Variants in RTN4 observed in about 807,000 individuals in gnomAD.
RTN4 encodes the protein reticulon-4.
RTN4 carries 32 observed loss-of-function variants against 90.4 expected under a neutral mutation model. The ratio of observed to expected loss-of-function variants is 0.35; its 90% CI spans 0.27 to 0.48. RTN4 has a LOEUF of 0.48. Ranked by LOEUF, RTN4 falls within the 20% of genes least tolerant of loss-of-function variation. The pLI, the probability that RTN4 is intolerant of heterozygous loss-of-function variation, is 0.99. For synonymous variants in RTN4, 629 were observed against 552.5 expected (o/e 1.14, Z -1.94); for missense variants, 1,706 against 1,430.2 (o/e 1.19, Z -3.11).
chr2:54,985,141 A>G (rs1449392294), intron 4 of RTN4, among the ~76,000 whole-genome samples: 1 of 146,804 alleles, frequency 6.8e-6, no homozygotes, highest in Non-Finnish European at 1.5e-5. Context: ...CTTGATAATA[A>G]TATGACTCGG....
chr2:55,116,513 A>G (rs542623554), upstream of RTN4, among the ~76,000 whole-genome samples: 1 of 152,342 alleles, frequency 6.6e-6, no homozygotes, highest in East Asian at 1.9e-4. Context: ...AATCAATTAT[A>G]TAGGATTCCA....
At chr2:55,032,737 A>G (rs951299230) in intron 1 of RTN4, among the ~76,000 whole-genome samples, 1 of 152,168 alleles carries the variant, frequency 6.6e-6, no homozygotes, top group African/African-American at 2.4e-5. Flanking sequence ...CCTTAAAAAA[A>G]GCAACAGTGG....
chr2:55,002,426 C>G (rs1223683952), intron 3 of RTN4, among the ~76,000 whole-genome samples: 1 of 152,182 alleles, frequency 6.6e-6, no homozygotes, highest in African/African-American at 2.4e-5. Flanking sequence ...ATAAAAACTA[C>G]CTATGGCTGT....
rs1681903396 is a variant in RTN4, at chr2:55,026,657, G to T, written c.1442C>A (p.Pro481His). ...TTCTGAAGTAGGATCTCCTAACAAA[G>T]GAAAAATGTTTGTTGCAATGCTCTC... is the stretch of plus-strand genomic sequence containing the variant. The part of the protein sequence containing the change: ...ATESIATNIF[P>H]LLGDPTSENK... The change falls in exon 3 of 9, where the codon CCT becomes CAT. Residue 481 changes from proline (P) to histidine (H), a missense_variant. By Grantham distance (77) the Pro-to-His change is moderately conservative (BLOSUM62 -2). Coordinates refer to ENST00000337526, the MANE Select transcript of RTN4 (RefSeq NM_020532.5). 1 of 1,613,006 alleles carries T rather than the reference G, an allele frequency of 6.2e-7. No individual in the cohort carries two copies. The highest frequency in any genetic ancestry group is 8.5e-7 in the Non-Finnish European group (1 of 1,179,736).
chr2:55,070,701 C>T (rs753855780), intron 2 of RTN4, among the ~76,000 whole-genome samples: 5 of 152,000 alleles, frequency 3.3e-5, no homozygotes, highest in Non-Finnish European at 7.4e-5. Flanking sequence ...ATTATCTCAG[C>T]ATATAAAAAT....
chr2:55,116,091 C>CTTTTTTTTTTTT (rs5831339), upstream of RTN4, among the ~76,000 whole-genome samples: 3 of 105,442 alleles, frequency 2.8e-5, no homozygotes, highest in Non-Finnish European at 3.7e-5. Context: ...GGGGACTAGT[C>CTTTTTTTTTTTT]TTTTTTTTTT....
At chr2:54,993,125 T>C (rs1679156148) in intron 3 of RTN4, among the ~76,000 whole-genome samples, 1 of 151,518 alleles carries the variant, frequency 6.6e-6, no homozygotes, top group Admixed American at 6.6e-5. Flanking sequence ...CTATGAAGTC[T>C]GAAAGTATAT....
chr2:54,985,261 G>A (rs1256996479), intron 4 of RTN4, among the ~76,000 whole-genome samples: 2 of 137,082 alleles, frequency 1.5e-5, no homozygotes, highest in Non-Finnish European at 3.0e-5. Flanking sequence ...CTGGGTTCTA[G>A]CAATTTTCTT....
chr2:55,000,715 T>C (rs2104745141), intron 3 of RTN4, among the ~76,000 whole-genome samples: 1 of 152,324 alleles, frequency 6.6e-6, no homozygotes, highest in Admixed American at 6.5e-5. Flanking sequence ...AGTCTGACCA[T>C]GAAGGTCTCA....
chr2:55,016,940 T>G (rs973334229), intron 3 of RTN4, among the ~76,000 whole-genome samples: 3 of 152,218 alleles, frequency 2.0e-5, no homozygotes, highest in African/African-American at 7.2e-5. Context: ...TTAACCACAT[T>G]ATATTTAGCA....
In RTN4 at chr2:55,025,412, T is replaced by C; in HGVS notation, c.2687A>G (p.His896Arg). 6.2e-7 allele frequency: 1 copy of C among 1,613,934 alleles called. No homozygotes were observed. Among genetic ancestry groups the C allele is most frequent in the Non-Finnish European group, 8.5e-7 (1 of 1,179,884 alleles). The change falls in exon 3 of 9, where the codon CAC becomes CGC. Residue 896 changes from histidine (H) to arginine (R), a missense_variant. Transcript: ENST00000337526. ...CGGGGCATTAGCAATTTCACTTTTG[T>C]GGGATACTTCTAGGTCAGTATATTC... ...AREYTDLEVS[H>R]KSEIANAPDG...
intron 3 of RTN4, among the ~76,000 whole-genome samples, chr2:55,022,634 C>G (rs1045172179): frequency 6.6e-6 from 1 of 152,040 alleles, no homozygotes; most frequent in Non-Finnish European, 1.5e-5. Context: ...TTTCTTCTAC[C>G]TACCATCCTG....
chr2:55,104,272 G>A (rs1003574559), intron 1 of RTN4, among the ~76,000 whole-genome samples: 1 of 151,602 alleles, frequency 6.6e-6, no homozygotes, highest in Non-Finnish European at 1.5e-5. Context: ...GGCCAGGCTG[G>A]TCTCAAACTC....
At chr2:55,088,568 A>AACAT (rs1290951081) in intron 1 of RTN4, among the ~76,000 whole-genome samples, 2 of 152,232 alleles carry the variant, frequency 1.3e-5, no homozygotes, top group Non-Finnish European at 2.9e-5. Flanking sequence ...TATGATATGT[A>AACAT]ACATTGGTTT....
rs1470142012 is a variant in RTN4, at chr2:55,026,115, C to G, written c.1984G>C (p.Ala662Pro). The G allele has an allele frequency of 6.2e-7, 1 of 1,613,408 alleles. No individual in the cohort carries two copies. The highest frequency in any genetic ancestry group is 1.7e-5 in the Admixed American group (1 of 59,852). ...EPENPPPYEE[A>P]MSVSLKKVSG... The stretch of plus-strand genomic sequence containing the variant: ...ACTTTTTTTAGTGATACACTCATGG[C>G]CTCTTCATATGGTGGGGGGTTTTCA... Residue 662 changes from alanine to proline, a missense_variant, in exon 3 of 9, where the codon GCC becomes CCC. Ala to Pro is a conservative substitution (Grantham distance 27). Coordinates refer to ENST00000337526, the MANE Select transcript of RTN4 (RefSeq NM_020532.5).
upstream of RTN4, among the ~76,000 whole-genome samples, chr2:55,051,162 C>G (rs1668080228): frequency 6.6e-6 from 1 of 152,218 alleles, no homozygotes. Context: ...AGGAAAACAG[C>G]TGTGCTGAAT....
At chr2:55,109,412 C>T (rs1667997282) in intron 1 of RTN4, among the ~76,000 whole-genome samples, 1 of 152,126 alleles carries the variant, frequency 6.6e-6, no homozygotes. Flanking sequence ...ACTGTGCTTA[C>T]AAAAGCAAAT....
intron 3 of RTN4, among the ~76,000 whole-genome samples, chr2:55,024,862 A>G (rs1049913694): frequency 3.3e-5 from 5 of 152,204 alleles, no homozygotes; most frequent in African/African-American, 1.2e-4. Flanking sequence ...ATAGTTCCAT[A>G]GTGCAATATA....
At position 55,025,636 on chromosome 2, in the gene RTN4, T is replaced by G. The variant is rs1387997071; in HGVS notation, c.2463A>C (p.Thr821=). The G allele has an allele frequency of 6.2e-7, 1 of 1,613,776 alleles. No homozygotes were observed. The highest frequency in any genetic ancestry group is 1.1e-5 in the South Asian group (1 of 91,052). The change falls in exon 3 of 9, where the codon ACA becomes ACC. Residue 821 remains threonine, a synonymous_variant. Transcript: ENST00000337526. ...AAGGAATTTTCTCCTTTTTGCTCAATGTTGAAACTTCATCAGGTAACAGGG... is the reference window on the plus strand; with the variant it reads ...AAGGAATTTTCTCCTTTTTGCTCAAGGTTGAAACTTCATCAGGTAACAGGG... ...KDTLLPDEVS[T]LSKKEKIPLQ...
Sources: gnomAD v4.1 joint callset for allele counts (sites outside exome capture counted in the v4.1 genomes callset) on GRCh38, gnomAD v4.1.1 for gene constraint, MANE v1.5 for transcripts, NCBI Gene and HGNC (gene_info 2026-07-23, HGNC 2026-07-21) for gene names.